Variants in EHD3 observed in about 807,000 individuals in gnomAD.
EHD3 encodes the protein EH domain-containing protein 3.
In EHD3, 17 loss-of-function variants were observed where a neutral mutation model predicts 43.0. The ratio of observed to expected loss-of-function variants is 0.40; its 90% CI spans 0.27 to 0.59. The LOEUF is 0.59. Ranked by LOEUF, EHD3 falls within the 20% of genes least tolerant of loss-of-function variation. EHD3 has a pLI of 0.49. For missense variants in EHD3, 594 were observed against 705.6 expected, an observed-to-expected ratio of 0.84 and a Z score of 1.79; for synonymous variants, 313 against 289.5, an observed-to-expected ratio of 1.08 and a Z score of -0.82.
At chr2:31,247,353 C>CA (rs11286751) in intron 2 of EHD3, among the ~76,000 whole-genome samples, 9 of 149,270 alleles carry the variant, frequency 6.0e-5, no homozygotes, top group East Asian at 3.9e-4. Context: ...ATATATTTTA[C>CA]AAAAAAAAAA....
chr2:31,238,676 C>G (rs977399107), intron 1 of EHD3, among the ~76,000 whole-genome samples: 2 of 152,228 alleles, frequency 1.3e-5, no homozygotes, highest in Non-Finnish European at 2.9e-5. Flanking sequence ...GGCATGCAGC[C>G]TTGAATCCCT....
Position 31,260,692 on chromosome 2 carries a change from C to CTGA in EHD3, c.688_690dup (p.Met230dup). The CTGA allele has an allele frequency of 1.2e-6, 2 of 1,614,240 alleles. No individual in the cohort carries two copies. The highest frequency in any genetic ancestry group is 1.7e-6 in the Non-Finnish European group (2 of 1,180,046). ...AGCTGACCAGATCGAGACGCAGCAG[C>CTGA]TGATGCGGGTGTACGGGGCCCTCAT... On this transcript the variant is annotated inframe_insertion, in exon 4 of 6. Coordinates refer to ENST00000322054, the MANE Select transcript of EHD3 (RefSeq NM_014600.3). The surrounding 1 kb of genome is among the most constrained non-coding windows in gnomAD (Gnocchi z 4.6).
intron 3 of EHD3, among the ~76,000 whole-genome samples, chr2:31,253,880 G>T (rs944192291): frequency 2.6e-5 from 4 of 152,164 alleles, no homozygotes; most frequent in Admixed American, 2.0e-4. Context: ...ATGTGCCCCA[G>T]CCTGGCTCAT....
chr2:31,251,175 G>A (rs189667048), intron 3 of EHD3, among the ~76,000 whole-genome samples: 2 of 152,352 alleles, frequency 1.3e-5, no homozygotes, highest in East Asian at 1.9e-4. Flanking sequence ...CTTCTGTCCA[G>A]TGCTCCTGTG....
chr2:31,241,731 A>C (rs1377809726), intron 1 of EHD3, among the ~76,000 whole-genome samples: 1 of 152,216 alleles, frequency 6.6e-6, no homozygotes, highest in Non-Finnish European at 1.5e-5. Context: ...CCTGAAGAGC[A>C]TAGCCCTCAA....
At chr2:31,246,450 A>G (rs891826031) in intron 2 of EHD3, among the ~76,000 whole-genome samples, 1 of 152,100 alleles carries the variant, frequency 6.6e-6, no homozygotes, top group African/African-American at 2.4e-5. Context: ...CCCAGGGGAG[A>G]GGAGGGAAAA....
rs770044816 is a variant in EHD3, at chr2:31,266,675, C to T, written c.1579C>T (p.Pro527Ser). 6 of 1,608,432 alleles carry T rather than the reference C, an allele frequency of 3.7e-6. No individual in the cohort carries two copies. The highest frequency in any genetic ancestry group is 5.1e-6 in the Non-Finnish European group (6 of 1,176,258). The change falls in exon 6 of 6, where the codon CCC (proline) becomes TCC (serine). Residue 527 changes from proline to serine, a missense_variant. By Grantham distance (74) the Pro-to-Ser change is moderately conservative. This residue lies in a region of EHD3 where 322 missense variants were observed against 348.0 expected (regional missense o/e 0.93). Coordinates refer to ENST00000322054, the MANE Select transcript of EHD3 (RefSeq NM_014600.3). This position sits in a 1 kb window ranked among gnomAD's most constrained non-coding sequence, Gnocchi z 5.1. ...CAACGAGCTGCCTGCCCACCTCCTG[C>T]CCCCGTCCAAGAGGAAAGTTGCCGA... ...LPNELPAHLL[P>S]PSKRKVAE
Position 31,234,357 on chromosome 2 carries a change from C to T in EHD3, c.-265C>T. The T allele has an allele frequency of 2.0e-6, 1 of 496,248 alleles. No individual in the cohort carries two copies. Among genetic ancestry groups the T allele is most frequent in the South Asian group, 2.2e-5 (1 of 46,472 alleles). 30.7% of individuals were successfully genotyped at this position (496,248 alleles called of 1,614,324 possible). A position where few individuals can be genotyped will look rare whatever the true frequency, so the allele number is the denominator to read the frequency against. On this transcript the variant is annotated 5_prime_UTR_variant, in exon 1 of 6. Transcript: ENST00000322054. Reference sequence around the variant, plus strand: ...GGTTCAACTTTAATTGCCAAGATTTCACCCCTCCTCCTCAAGCCCAGATTA... The same window carrying T: ...GGTTCAACTTTAATTGCCAAGATTTTACCCCTCCTCCTCAAGCCCAGATTA...
intron 3 of EHD3, among the ~76,000 whole-genome samples, chr2:31,251,072 G>A (rs1183924874): frequency 6.6e-6 from 1 of 152,236 alleles, no homozygotes; most frequent in Non-Finnish European, 1.5e-5. Flanking sequence ...GCCTCATGGT[G>A]TGACAGGCCA....
At chr2:31,240,600 C>A (rs530886056) in intron 1 of EHD3, among the ~76,000 whole-genome samples, 2 of 152,314 alleles carry the variant, frequency 1.3e-5, no homozygotes, top group African/African-American at 2.4e-5. Flanking sequence ...AAACTCTAGG[C>A]CCTTGCCTGA....
Position 31,266,699 on chromosome 2 carries a change from G to C in EHD3, c.1603G>C (p.Glu535Gln), listed in dbSNP as rs767841259. ...GCCCCCGTCCAAGAGGAAAGTTGCC[G>C]AGTGATGGGGTGGGGGGACATTCAG... ...LLPPSKRKVA[E>Q] The change falls in exon 6 of 6, where the codon GAG (glutamate) becomes CAG (glutamine). Residue 535 changes from glutamate (E) to glutamine (Q), a missense_variant. Physicochemically the swap from Glu to Gln is conservative, Grantham distance 29 (BLOSUM62 2). Transcript: ENST00000322054. The surrounding 1 kb of genome is among the most constrained non-coding windows in gnomAD (Gnocchi z 5.1). 1.3e-6 allele frequency: 2 copies of C among 1,598,958 alleles called. No homozygotes were observed. The highest frequency in any genetic ancestry group is 1.1e-5 in the South Asian group (1 of 88,964).
At chr2:31,241,517 A>G (rs900320703) in intron 1 of EHD3, among the ~76,000 whole-genome samples, 2 of 152,156 alleles carry the variant, frequency 1.3e-5, no homozygotes, top group Admixed American at 1.3e-4. Context: ...AATCCCCAGA[A>G]CTCCCTGTGA....
Position 31,264,533 on chromosome 2 carries a change from C to CTTTTTTT in EHD3, c.1081-1630_1081-1624dup, listed in dbSNP as rs35446028. Among the ~76,000 whole-genome samples, 111 of 114,146 alleles carry CTTTTTTT rather than the reference C, an allele frequency of 9.7e-4. 6 individuals are homozygous for CTTTTTTT. The highest frequency in any genetic ancestry group is 3.4e-3 in the African/African-American group (97 of 28,512). 74.9% of individuals were successfully genotyped at this position (114,146 alleles called of 152,430 possible). ...TAAATTAACATTTCTACTTTACAGACTTTTTTTTTTTTTTTTTTTTGATAC... is the reference window on the plus strand; with the variant it reads ...TAAATTAACATTTCTACTTTACAGACTTTTTTTTTTTTTTTTTTTTTTTTTTTGATAC... On this transcript the variant is annotated intron_variant, in intron 5 of 5. Transcript: ENST00000322054.
At chr2:31,251,695 A>G (rs1683638951) in intron 3 of EHD3, among the ~76,000 whole-genome samples, 1 of 151,874 alleles carries the variant, frequency 6.6e-6, no homozygotes, top group Admixed American at 6.6e-5. Flanking sequence ...GGTGATAGGG[A>G]GCTGGAACCC....
chr2:31,260,689 C>A lies in EHD3; in HGVS notation c.682C>A (p.Gln228Lys), dbSNP rs1401845927. ...CAAAGCTGACCAGATCGAGACGCAG[C>A]AGCTGATGCGGGTGTACGGGGCCCT... ...LNKADQIETQQLMRVYGALMW... is the reference protein window; with the variant it reads ...LNKADQIETQKLMRVYGALMW... Residue 228 changes from glutamine to lysine, a missense_variant, in exon 4 of 6, where the codon CAG (glutamine) becomes AAG (lysine). Transcript: ENST00000322054. This position sits in a 1 kb window ranked among gnomAD's most constrained non-coding sequence, Gnocchi z 4.6. 3 of 1,614,098 alleles carry A rather than the reference C, an allele frequency of 1.9e-6. No individual in the cohort carries two copies. The highest frequency in any genetic ancestry group is 2.2e-5 in the South Asian group (2 of 91,090).
intron 2 of EHD3, among the ~76,000 whole-genome samples, chr2:31,245,345 A>G (rs955847643): frequency 3.3e-5 from 5 of 152,054 alleles, no homozygotes; most frequent in African/African-American, 1.2e-4. Flanking sequence ...TGGGATAGTG[A>G]ACAGAAAACA....
chr2:31,238,069 T>G (rs939567442), intron 1 of EHD3, among the ~76,000 whole-genome samples: 3 of 152,202 alleles, frequency 2.0e-5, no homozygotes, highest in African/African-American at 7.2e-5. Context: ...TGGGCAGGGT[T>G]TTGTTTAAAA....
Position 31,267,071 on chromosome 2 carries a change from C to G in EHD3, c.*367C>G, listed in dbSNP as rs1453352702. ...TCCCCAGTGCTTCCACACCCGGGCT[C>G]TGAGCAAATGGAAAAGACTTTTCAT... On this transcript the variant is annotated 3_prime_UTR_variant, in exon 6 of 6. Transcript: ENST00000322054. 1 of 224,014 alleles carries G rather than the reference C, an allele frequency of 4.5e-6. No individual in the cohort carries two copies. Among genetic ancestry groups the G allele is most frequent in the African/African-American group, 2.3e-5 (1 of 43,984 alleles). The allele number at this position is 224,014 out of a possible 1,614,324, so 13.9% of individuals were successfully genotyped here.
intron 1 of EHD3, among the ~76,000 whole-genome samples, chr2:31,242,126 T>C (rs1325920130): frequency 1.3e-5 from 2 of 152,208 alleles, no homozygotes; most frequent in East Asian, 3.9e-4. Context: ...TGACTTTAAC[T>C]ACCATGGAAC....
Sources: allele counts gnomAD v4.1 joint callset (sites outside exome capture counted in the v4.1 genomes callset), GRCh38; gene constraint gnomAD v4.1.1; regional missense constraint gnomAD v4.1.1; non-coding constraint Gnocchi (gnomAD v3.1); transcripts MANE v1.5; gene names NCBI Gene and HGNC (gene_info 2026-07-23, HGNC 2026-07-21).